The following PDE8A variants were observed in gnomAD, a reference collection of about 807,000 sequenced individuals.
The protein encoded by PDE8A is high affinity cAMP-specific and IBMX-insensitive 3',5'-cyclic phosphodiesterase 8A.
In PDE8A, 59 loss-of-function variants were observed where a neutral mutation model predicts 105.0. That is an observed-to-expected ratio of 0.56 (90% CI 0.46 to 0.70). The LOEUF (loss-of-function observed/expected upper bound fraction) is 0.70, where lower values mean the gene tolerates loss of function less well. Among genes scored for constraint, PDE8A ranks in the 30% least tolerant of loss-of-function variants. The pLI, the probability that PDE8A is intolerant of heterozygous loss-of-function variation, is 0.00. For synonymous variants in PDE8A, 355 were observed against 371.9 expected (o/e 0.95, Z 0.52); for missense variants, 1,014 against 1,045.9 (o/e 0.97, Z 0.42).
intron 1 of PDE8A, among the ~76,000 whole-genome samples, chr15:85,040,047 T>G (rs1362902883): frequency 6.6e-6 from 1 of 151,888 alleles, no homozygotes; most frequent in Non-Finnish European, 1.5e-5. Flanking sequence ...AGATTGCAGT[T>G]AATAATAATG....
chr15:85,029,320 G>A (rs2080573193), intron 1 of PDE8A, among the ~76,000 whole-genome samples: 1 of 151,398 alleles, frequency 6.6e-6, no homozygotes, highest in South Asian at 2.1e-4. Flanking sequence ...GTTGGCTACC[G>A]TCGGAAACTT....
chr15:85,061,140 T>C (rs1259978277), intron 1 of PDE8A, among the ~76,000 whole-genome samples: 1 of 152,162 alleles, frequency 6.6e-6, no homozygotes, highest in Non-Finnish European at 1.5e-5. Flanking sequence ...CCAAAGTTTC[T>C]GATGAGAGAT....
intron 1 of PDE8A, among the ~76,000 whole-genome samples, chr15:85,002,410 A>G (rs1434722193): frequency 6.6e-6 from 1 of 152,222 alleles, no homozygotes; most frequent in Non-Finnish European, 1.5e-5. Context: ...GGCTAGGTCT[A>G]GAGGGTCCCA....
intron 8 of PDE8A, among the ~76,000 whole-genome samples, chr15:85,096,385 G>A (rs573918128): frequency 6.6e-6 from 1 of 152,108 alleles, no homozygotes; most frequent in East Asian, 1.9e-4. Flanking sequence ...CTTGAGCCTG[G>A]GAGGTTGAGG....
In PDE8A at chr15:85,091,165, G is replaced by A. The variant is rs2081636764; in HGVS notation, c.836G>A (p.Cys279Tyr). 1 of 1,610,440 alleles carries A rather than the reference G, an allele frequency of 6.2e-7. No homozygotes were observed. Among genetic ancestry groups the A allele is most frequent in the Admixed American group, 1.7e-5 (1 of 58,948 alleles). The change falls in exon 8 of 22, where the codon TGC becomes TAC. Residue 279 changes from cysteine (C) to tyrosine (Y), a missense_variant. Physicochemically the swap from Cys to Tyr is radical, Grantham distance 194 (BLOSUM62 -2). Coordinates refer to ENST00000394553, the MANE Select transcript of PDE8A (RefSeq NM_002605.3). ...GACTTGCTCGATACTATAAATTCATGCATCAGGATAGGCAAGGTAAGTAAG... is the reference window on the plus strand; with the variant it reads ...GACTTGCTCGATACTATAAATTCATACATCAGGATAGGCAAGGTAAGTAAG... ...KADLLDTINS[C>Y]IRIGKEWQGI...
chr15:84,985,950 C>T (rs1415277218), intron 1 of PDE8A, among the ~76,000 whole-genome samples: 7 of 152,106 alleles, frequency 4.6e-5, no homozygotes, highest in African/African-American at 7.2e-5. Context: ...AGAGGCTGGG[C>T]GCGGTGGCTC....
intron 21 of PDE8A, 90 bp from the exon 22 acceptor site, chr15:85,137,707 C>T: frequency 2.4e-6 from 2 of 819,338 alleles, no homozygotes; most frequent in South Asian, 3.0e-5. Context: ...TGCCTGCTCC[C>T]ATCTGTCACT....
At chr15:85,109,462 C>T (rs970720504) in intron 12 of PDE8A, among the ~76,000 whole-genome samples, 18 of 152,194 alleles carry the variant, frequency 1.2e-4, no homozygotes, top group African/African-American at 3.9e-4. Flanking sequence ...TCTATCCCAT[C>T]GTGGTTTGCA....
chr15:85,052,520 T>C (rs2080992527), intron 1 of PDE8A, among the ~76,000 whole-genome samples: 1 of 152,224 alleles, frequency 6.6e-6, no homozygotes, highest in African/African-American at 2.4e-5. Flanking sequence ...CCATTGTAAC[T>C]GGTGTGAGAT....
At chr15:85,135,921 T>G (rs2082402202) in intron 20 of PDE8A, among the ~76,000 whole-genome samples, 1 of 152,176 alleles carries the variant, frequency 6.6e-6, no homozygotes, top group Non-Finnish European at 1.5e-5. Flanking sequence ...AAAAAATAAT[T>G]TAGCCATAGA....
At chr15:85,055,501 G>T (rs1479692464) in intron 1 of PDE8A, among the ~76,000 whole-genome samples, 4 of 152,086 alleles carry the variant, frequency 2.6e-5, no homozygotes, top group Non-Finnish European at 5.9e-5. Context: ...CTCCTGTATT[G>T]GGTGCATATA....
intron 5 of PDE8A, among the ~76,000 whole-genome samples, chr15:85,080,935 A>G (rs2081455045): frequency 6.6e-6 from 1 of 152,234 alleles, no homozygotes; most frequent in South Asian, 2.1e-4. Flanking sequence ...TAGGAAATGT[A>G]GAGGTAGTGG....
In PDE8A at chr15:85,028,134, A is replaced by G. The variant is rs532695665; in HGVS notation, c.187-36236A>G. ...AAAAATCTTTTTTGAATATATATGTACATGGTACACAATGTTATGATTTTC... is the reference window on the plus strand; with the variant it reads ...AAAAATCTTTTTTGAATATATATGTGCATGGTACACAATGTTATGATTTTC... On this transcript the variant is annotated intron_variant, in intron 1 of 21. Transcript: ENST00000394553. 2.0e-5 allele frequency among the ~76,000 whole-genome samples: 3 copies of G among 152,364 alleles called. No homozygotes were observed. The South Asian group carries it at 6.2e-4, about 32-fold the overall frequency.
chr15:84,985,329 CTCTG>C (rs950376404), intron 1 of PDE8A, among the ~76,000 whole-genome samples: 4 of 152,190 alleles, frequency 2.6e-5, no homozygotes, highest in Non-Finnish European at 4.4e-5. Context: ...TAAAAATACC[CTCTG>C]TCTGTTTATT....
intron 1 of PDE8A, among the ~76,000 whole-genome samples, chr15:84,996,775 G>A (rs1046032293): frequency 1.6e-5 from 2 of 122,148 alleles, no homozygotes; most frequent in African/African-American, 3.1e-5. Context: ...GCAGTGAGCC[G>A]AGATCGCACC....
chr15:85,085,944 G>A (rs1237329936), intron 6 of PDE8A, among the ~76,000 whole-genome samples: 3 of 143,016 alleles, frequency 2.1e-5, no homozygotes, highest in East Asian at 2.2e-4. Context: ...CCCGGGAGGC[G>A]AAGGTTGCAG....
chr15:84,988,180 G>A (rs182141477), intron 1 of PDE8A, among the ~76,000 whole-genome samples: 76 of 152,286 alleles, frequency 5.0e-4, no homozygotes, highest in African/African-American at 1.7e-3. Context: ...AAACTTGTCC[G>A]AGGTCATACA....
At chr15:85,006,216 A>T (rs187289387) in intron 1 of PDE8A, among the ~76,000 whole-genome samples, 29 of 152,256 alleles carry the variant, frequency 1.9e-4, no homozygotes, top group African/African-American at 7.0e-4. Context: ...ATACATATGT[A>T]ACTAACCGGC....
intron 1 of PDE8A, among the ~76,000 whole-genome samples, chr15:84,993,141 A>T (rs1015039814): frequency 2.6e-5 from 4 of 152,226 alleles, no homozygotes; most frequent in African/African-American, 9.6e-5. Flanking sequence ...AACTTGAAAC[A>T]TATAGAAAAG....
Sources: allele counts gnomAD v4.1 joint callset (sites outside exome capture counted in the v4.1 genomes callset), GRCh38; gene constraint gnomAD v4.1.1; transcripts MANE v1.5; gene names NCBI Gene and HGNC (gene_info 2026-07-23, HGNC 2026-07-21).